Variants in GALNT10 observed in about 807,000 individuals in gnomAD.
The protein encoded by GALNT10 is polypeptide N-acetylgalactosaminyltransferase 10.
Under a neutral mutation model 75.0 loss-of-function variants are expected in GALNT10, and 41 were observed. The ratio of observed to expected loss-of-function variants is 0.55; its 90% CI spans 0.43 to 0.71. The LOEUF (loss-of-function observed/expected upper bound fraction) is 0.71, where lower values mean the gene tolerates loss of function less well. Among genes scored for constraint, GALNT10 ranks in the 30% least tolerant of loss-of-function variants. The pLI, the probability that GALNT10 is intolerant of heterozygous loss-of-function variation, is 0.00. For missense variants in GALNT10, 727 were observed against 818.5 expected (o/e 0.89, Z 1.36); for synonymous variants, 302 against 313.0 (o/e 0.96, Z 0.37).
intron 4 of GALNT10, among the ~76,000 whole-genome samples, chr5:154,365,896 G>C (rs1325363685): frequency 6.6e-6 from 1 of 152,096 alleles, no homozygotes; most frequent in Non-Finnish European, 1.5e-5. Context: ...ACCACCTAGA[G>C]GCAATACACT....
intron 5 of GALNT10, among the ~76,000 whole-genome samples, chr5:154,379,050 G>C (rs2113176216): frequency 6.6e-6 from 1 of 152,230 alleles, no homozygotes; most frequent in Non-Finnish European, 1.5e-5. Flanking sequence ...GGGCACGTGA[G>C]TTTTTTAAAC....
chr5:154,238,733 A>G (rs1475999595), intron 1 of GALNT10, among the ~76,000 whole-genome samples: 1 of 152,196 alleles, frequency 6.6e-6, no homozygotes, highest in Admixed American at 6.5e-5. Context: ...CATCCTCAGG[A>G]AACAGTTTCA....
chr5:154,225,805 G>A (rs13170430), intron 1 of GALNT10, among the ~76,000 whole-genome samples: 54,457 of 151,394 alleles, frequency 0.36, 11,759 homozygotes, highest in East Asian at 0.83. Flanking sequence ...CTTTCCTTTG[G>A]ATTTTTTTCT....
In GALNT10 at chr5:154,329,496, C is replaced by T. The variant is rs1754809155; in HGVS notation, c.402-76C>T. The stretch of plus-strand genomic sequence containing the variant: ...AGAGGAAGTGGGGTTTGCAGTTAGC[C>T]AAACCCTGTGCCTGAGTTCTCTTGG... On this transcript the variant is annotated intron_variant, in intron 3 of 11. Transcript: ENST00000297107. 7.8e-5 allele frequency: 97 copies of T among 1,240,022 alleles called. 1 individual carries two copies. The South Asian group carries it at 1.2e-3, about 15-fold the overall frequency. The allele number at this position is 1,240,022 out of a possible 1,614,324, so 76.8% of individuals were successfully genotyped here.
intron 1 of GALNT10, among the ~76,000 whole-genome samples, chr5:154,235,505 G>A (rs1471690506): frequency 2.0e-5 from 3 of 152,138 alleles, no homozygotes; most frequent in African/African-American, 7.2e-5. Flanking sequence ...TTGAGAACAG[G>A]AGTTCTCAAA....
intron 2 of GALNT10, 139 bp from the exon 3 acceptor site, chr5:154,297,802 G>T (rs57541779): frequency 4.8e-5 from 2 of 41,456 alleles, no homozygotes; most frequent in Admixed American, 1.2e-3. Context: ...TCTTTGTACT[G>T]AGCAAAAACT....
chr5:154,344,488 G>GC (rs1240311944), intron 4 of GALNT10, among the ~76,000 whole-genome samples: 2 of 152,128 alleles, frequency 1.3e-5, no homozygotes, highest in Non-Finnish European at 2.9e-5. Context: ...AGGATTACAG[G>GC]CATGAGCCAC....
Position 154,226,099 on chromosome 5 carries a change from A to ACG in GALNT10, c.159+35074_159+35075insCG, listed in dbSNP as rs1561634383. Among the ~76,000 whole-genome samples the ACG allele has an allele frequency of 1.5e-4, 23 of 151,730 alleles. No homozygotes were observed. The East Asian group carries it at 4.3e-3, about 28-fold the overall frequency. On this transcript the variant is annotated intron_variant, in intron 1 of 11. Transcript: ENST00000297107. ...GTATATATATGTAACAGACCTGCGT[A>ACG]TTGTGCACATGTACCATAAAACTTA...
intron 7 of GALNT10, among the ~76,000 whole-genome samples, chr5:154,399,384 T>G (rs1467745092): frequency 6.6e-6 from 1 of 152,138 alleles, no homozygotes; most frequent in Non-Finnish European, 1.5e-5. Flanking sequence ...TGAGAGCTGT[T>G]TGTCACAAGA....
intron 1 of GALNT10, among the ~76,000 whole-genome samples, chr5:154,191,424 T>TCC (rs1774856377): frequency 1.5e-5 from 1 of 65,844 alleles, no homozygotes; most frequent in Admixed American, 2.4e-4. Flanking sequence ...CCTCTCTGCT[T>TCC]CCCTCCTCCC....
intron 4 of GALNT10, among the ~76,000 whole-genome samples, chr5:154,348,459 C>A (rs1241170377): frequency 6.6e-6 from 1 of 152,212 alleles, no homozygotes; most frequent in Non-Finnish European, 1.5e-5. Flanking sequence ...GAGAGGTATT[C>A]TTTCCCAGAG....
intron 1 of GALNT10, among the ~76,000 whole-genome samples, chr5:154,218,627 T>C (rs1019670919): frequency 1.3e-5 from 2 of 152,212 alleles, no homozygotes; most frequent in Non-Finnish European, 2.9e-5. Flanking sequence ...TTCTGAGCCA[T>C]TTCTAGAACC....
At chr5:154,408,215 A>G (rs2113217915) in intron 8 of GALNT10, among the ~76,000 whole-genome samples, 1 of 152,244 alleles carries the variant, frequency 6.6e-6, no homozygotes, top group South Asian at 2.1e-4. Flanking sequence ...CTCTTTATAG[A>G]AGACATTTAA....
At chr5:154,398,688 A>T (rs908572781) in intron 7 of GALNT10, among the ~76,000 whole-genome samples, 2 of 152,210 alleles carry the variant, frequency 1.3e-5, no homozygotes, top group Non-Finnish European at 2.9e-5. Context: ...AACTGAAAAG[A>T]GCACTTTTGC....
chr5:154,403,190 C>A (rs1422463842), intron 7 of GALNT10, among the ~76,000 whole-genome samples: 1 of 152,126 alleles, frequency 6.6e-6, no homozygotes, highest in Non-Finnish European at 1.5e-5. Flanking sequence ...GATTCAAACC[C>A]AGGCCTGCCA....
At chr5:154,341,755 C>T (rs909831701) in intron 4 of GALNT10, among the ~76,000 whole-genome samples, 1 of 152,132 alleles carries the variant, frequency 6.6e-6, no homozygotes, top group African/African-American at 2.4e-5. Context: ...TGTAAATAGA[C>T]CTTCTTCCTG....
chr5:154,389,906 C>CA (rs747967655), intron 7 of GALNT10, among the ~76,000 whole-genome samples: 4 of 151,322 alleles, frequency 2.6e-5, no homozygotes, highest in Admixed American at 6.6e-5. Flanking sequence ...GTATTAAATA[C>CA]AAAAAAAAGA....
At chr5:154,368,299 T>C (rs1486228097) in intron 4 of GALNT10, among the ~76,000 whole-genome samples, 1 of 152,238 alleles carries the variant, frequency 6.6e-6, no homozygotes, top group Non-Finnish European at 1.5e-5. Flanking sequence ...TTGATTAAAC[T>C]GGACTGAATT....
chr5:154,410,485 G>A (rs1339706410), intron 9 of GALNT10, among the ~76,000 whole-genome samples: 3 of 152,154 alleles, frequency 2.0e-5, no homozygotes, highest in Non-Finnish European at 4.4e-5. Flanking sequence ...CCAGGAGGTC[G>A]AGGTTCCAGT....
Sources: allele counts gnomAD v4.1 joint callset (sites outside exome capture counted in the v4.1 genomes callset), GRCh38; gene constraint gnomAD v4.1.1; transcripts MANE v1.5; gene names NCBI Gene and HGNC (gene_info 2026-07-23, HGNC 2026-07-21).